The following BLM variants were observed in gnomAD, a reference collection of about 807,000 sequenced individuals.
The protein encoded by BLM is BLM RecQ like helicase.
A neutral mutation model predicts 135.3 loss-of-function variants in BLM; 95 were observed. That is an observed-to-expected ratio of 0.70 (90% CI 0.59 to 0.83). The LOEUF (loss-of-function observed/expected upper bound fraction) is 0.83, where lower values mean the gene tolerates loss of function less well. Ranked by LOEUF, BLM falls within the 40% of genes least tolerant of loss-of-function variation. The pLI, the probability that BLM is intolerant of heterozygous loss-of-function variation, is 0.00. For missense variants in BLM, 1,518 were observed against 1,663.9 expected (o/e 0.91, Z 1.53); for synonymous variants, 520 against 589.2 (o/e 0.88, Z 1.70).
chr15:90,724,419 T>C (rs1182922261), intron 1 of BLM, among the ~76,000 whole-genome samples: 3 of 152,238 alleles, frequency 2.0e-5, no homozygotes, highest in African/African-American at 7.2e-5. Context: ...TCCTCACTTC[T>C]GTCACCAAAT....
rs144706057 is a variant in BLM at position 90,747,403 on chromosome 15, T to A, written c.11T>A (p.Val4Asp). ...TCACTTTTTAGGATTATGGCTGCTG[T>A]TCCTCAAAATAATCTACAGGAGCAA... MAA[V>D]PQNNLQEQLE... The change falls in exon 2 of 22, where the codon GTT becomes GAT. Residue 4 changes from valine (V) to aspartate (D), a missense_variant. Physicochemically the swap from Val to Asp is radical, Grantham distance 152. Transcript: ENST00000355112. 6 of 1,609,242 alleles carry A rather than the reference T, an allele frequency of 3.7e-6. No individual in the cohort carries two copies. The South Asian group carries it at 5.5e-5, about 15-fold the overall frequency.
chr15:90,810,837 TG>T (rs1567066576), intron 20 of BLM, among the ~76,000 whole-genome samples: 1 of 152,196 alleles, frequency 6.6e-6, no homozygotes, highest in Non-Finnish European at 1.5e-5. Flanking sequence ...TAAAATTGCC[TG>T]CCATCTTTAT....
chr15:90,734,478 C>A (rs532275485), intron 1 of BLM, among the ~76,000 whole-genome samples: 9 of 151,736 alleles, frequency 5.9e-5, no homozygotes, highest in African/African-American at 2.2e-4. Context: ...AGTAGAGATG[C>A]GGTTTCACCA....
chr15:90,718,288 G>C (rs774641528), intron 1 of BLM, among the ~76,000 whole-genome samples: 1 of 152,190 alleles, frequency 6.6e-6, no homozygotes, highest in Non-Finnish European at 1.5e-5. Context: ...TGGTGATTAA[G>C]TGCTAGAGAT....
chr15:90,785,314 C>T (rs896489449), intron 14 of BLM, among the ~76,000 whole-genome samples: 1 of 151,996 alleles, frequency 6.6e-6, no homozygotes, highest in African/African-American at 2.4e-5. Context: ...TCAAAGCAAA[C>T]AAGTTAGTAC....
intron 1 of BLM, among the ~76,000 whole-genome samples, chr15:90,731,784 T>C (rs763285703): frequency 1.1e-4 from 16 of 152,042 alleles, no homozygotes; most frequent in Non-Finnish European, 1.8e-4. Flanking sequence ...CTCTATTATA[T>C]ATCTATTATT....
intron 12 of BLM, among the ~76,000 whole-genome samples, chr15:90,771,595 A>ATTT (rs760752305): frequency 1.6e-5 from 2 of 125,294 alleles, no homozygotes; most frequent in East Asian, 2.2e-4. Flanking sequence ...TTGATCTATA[A>ATTT]TTTTTTTTTT....
At chr15:90,763,324 GGT>G (rs1896036862) in intron 8 of BLM, among the ~76,000 whole-genome samples, 167 bp downstream of exon 8, 1 of 152,110 alleles carries the variant, frequency 6.6e-6, no homozygotes, top group Non-Finnish European at 1.5e-5. Context: ...CCTTTGTTCT[GGT>G]TGTTGACATC....
At chr15:90,764,811 G>T (rs1896079010) in intron 8 of BLM, among the ~76,000 whole-genome samples, 1 of 152,176 alleles carries the variant, frequency 6.6e-6, no homozygotes, top group Admixed American at 6.5e-5. Context: ...GCCGGGCGCA[G>T]TGGCTTGTGC....
rs988696076 is a variant in BLM, at chr15:90,735,283, A to G, written c.-4-12106A>G. Among the ~76,000 whole-genome samples the G allele has an allele frequency of 2.4e-4, 34 of 144,106 alleles. 1 individual carries two copies. Among genetic ancestry groups the G allele is most frequent in the African/African-American group, 7.8e-4 (31 of 39,572 alleles). 94.5% of individuals were successfully genotyped at this position (144,106 alleles called of 152,430 possible). A position where few individuals can be genotyped will look rare whatever the true frequency, so the allele number is the denominator to read the frequency against. On this transcript the variant is annotated intron_variant, in intron 1 of 21. Transcript: ENST00000355112. ...TATATATATATATATTTAAGTTAAT[A>G]CATATACCTAAGTTAATATATAAAT...
chr15:90,759,905 C>A, intron 5 of BLM: 1 of 389,556 alleles, frequency 2.6e-6, no homozygotes, highest in Non-Finnish European at 4.6e-6. Flanking sequence ...CCGTGCCCAG[C>A]CCCACTTTAA....
At chr15:90,755,196 C>T (rs1895786916) in intron 5 of BLM, 3 of 477,730 alleles carry the variant, frequency 6.3e-6, no homozygotes, top group Non-Finnish European at 7.4e-6. Flanking sequence ...TCATACTGAG[C>T]CAAGATCTGC....
chr15:90,790,506 TG>T, intron 14 of BLM, 142 bp from the exon 15 acceptor site: 1 of 764,602 alleles, frequency 1.3e-6, no homozygotes, highest in African/African-American at 1.9e-5. Context: ...ACTAAATAGT[TG>T]GACCAAGTTA....
At chr15:90,757,163 G>A (rs928486373) in intron 5 of BLM, among the ~76,000 whole-genome samples, 3 of 152,158 alleles carry the variant, frequency 2.0e-5, no homozygotes, top group Non-Finnish European at 2.9e-5. Flanking sequence ...ACAGGCTCTA[G>A]AATTTTGCTT....
Position 90,766,895 on chromosome 15 carries a change from T to C in BLM, c.2194-15T>C. The C allele has an allele frequency of 6.7e-7, 1 of 1,487,788 alleles. No individual in the cohort carries two copies. Among genetic ancestry groups the C allele is most frequent in the Non-Finnish European group, 9.4e-7 (1 of 1,067,714 alleles). The allele number at this position is 1,487,788 out of a possible 1,614,324, so 92.2% of individuals were successfully genotyped here. ...AATGTATAAAATTGAAATTGTTTAC[T>C]ACTTTTATACTTAGATTCCAGCTAC... On this transcript the variant is annotated splice_polypyrimidine_tract_variant and intron_variant, in intron 9 of 21. Transcript: ENST00000355112.
chr15:90,734,537 C>T (rs1381222722), intron 1 of BLM, among the ~76,000 whole-genome samples: 2 of 152,118 alleles, frequency 1.3e-5, no homozygotes, highest in African/African-American at 4.8e-5. Context: ...ATCTGCCCAC[C>T]TCGGCCTCCC....
At chr15:90,779,074 TG>T (rs1385587809) in intron 12 of BLM, among the ~76,000 whole-genome samples, 2 of 151,932 alleles carry the variant, frequency 1.3e-5, no homozygotes, top group African/African-American at 2.4e-5. Context: ...TTAGTAGAGA[TG>T]GGGGTTTCCC....
chr15:90,742,656 T>C lies in BLM; in HGVS notation c.-4-4733T>C, dbSNP rs1352415668. On this transcript the variant is annotated intron_variant, in intron 1 of 21. Coordinates refer to ENST00000355112, the MANE Select transcript of BLM (RefSeq NM_000057.4). The stretch of plus-strand genomic sequence containing the variant: ...TTTACTTTTATTCTTTTTTTATTTT[T>C]GAGACAGGGTCTCTGTTGCCCAGGC... Among the ~76,000 whole-genome samples, 6 of 152,090 alleles carry C rather than the reference T, an allele frequency of 3.9e-5. No homozygotes were observed. The East Asian group carries it at 1.2e-3, about 29-fold the overall frequency.
intron 1 of BLM, among the ~76,000 whole-genome samples, chr15:90,723,778 T>G (rs1380013547): frequency 6.6e-6 from 1 of 152,124 alleles, no homozygotes; most frequent in African/African-American, 2.4e-5. Context: ...TACTGAAACT[T>G]TATACTTTTT....
Sources: allele counts gnomAD v4.1 joint callset (sites outside exome capture counted in the v4.1 genomes callset), GRCh38; gene constraint gnomAD v4.1.1; transcripts MANE v1.5; gene names NCBI Gene and HGNC (gene_info 2026-07-23, HGNC 2026-07-21).